BCAT1: variants seen among roughly 807,000 people sequenced by gnomAD.
BCAT1 encodes branched-chain-amino-acid aminotransferase, cytosolic.
BCAT1 carries 48 observed loss-of-function variants against 52.4 expected under a neutral mutation model. The observed-to-expected ratio is 0.92, with a 90% CI of 0.73 to 1.16. The LOEUF (loss-of-function observed/expected upper bound fraction) is 1.16, where lower values mean the gene tolerates loss of function less well. BCAT1 is among the 50% of genes most tolerant of loss of function. BCAT1 has a pLI of 0.00. For missense variants in BCAT1, 451 were observed against 457.1 expected, an observed-to-expected ratio of 0.99 and a Z score of 0.12; for synonymous variants, 167 against 161.3, an observed-to-expected ratio of 1.04 and a Z score of -0.27.
At chr12:24,832,042 A>C (rs557169711) in intron 9 of BCAT1, among the ~76,000 whole-genome samples, 2 of 152,350 alleles carry the variant, frequency 1.3e-5, no homozygotes, top group African/African-American at 4.8e-5. Context: ...TAACAGCATT[A>C]ATAGTAAAAA....
rs760367078 is a variant in BCAT1 at position 24,925,800 on chromosome 12, C to T, written c.6+23127G>A. Among the ~76,000 whole-genome samples the T allele has an allele frequency of 7.9e-5, 12 of 151,980 alleles. No individual in the cohort carries two copies. In the South Asian group the frequency reaches 1.7e-3, roughly 21 times the overall value. On this transcript the variant is annotated intron_variant, in intron 1 of 10. Transcript: ENST00000261192. ...GGAGACGGGGTTTCGCTGTGTTGGC[C>T]GGGCTGGTCTCCAGCTCCTAACCGG...
chr12:24,837,101 A>AAGGAAGGC, intron 7 of BCAT1, among the ~76,000 whole-genome samples: 1 of 125,604 alleles, frequency 8.0e-6, no homozygotes, highest in Non-Finnish European at 1.7e-5. Flanking sequence ...GGGAGAAAGG[A>AAGGAAGGC]AGGAAGAAAG....
rs1240087103 is a variant in BCAT1, at chr12:24,849,995, C to T, written c.511-46G>A. ...ATACAACTGTAACTTAAAATGTGGA[C>T]ACCAGTCTTAAAGTCTAGAATAGAT... On this transcript the variant is annotated intron_variant, in intron 5 of 10. Coordinates refer to ENST00000261192, the MANE Select transcript of BCAT1 (RefSeq NM_005504.7). 3 of 1,509,352 alleles carry T rather than the reference C, an allele frequency of 2.0e-6. No homozygotes were observed. In the African/African-American group the frequency reaches 4.2e-5, roughly 21 times the overall value. 93.5% of individuals were successfully genotyped at this position (1,509,352 alleles called of 1,614,324 possible). A position where few individuals can be genotyped will look rare whatever the true frequency, so the allele number is the denominator to read the frequency against.
At chr12:24,908,146 T>G (rs190238425) in intron 1 of BCAT1, among the ~76,000 whole-genome samples, 3 of 152,296 alleles carry the variant, frequency 2.0e-5, no homozygotes, top group African/African-American at 7.2e-5. Context: ...TGAGCTTCTT[T>G]TCTTCATAGA....
At chr12:24,913,155 A>G (rs1943356730) in intron 1 of BCAT1, among the ~76,000 whole-genome samples, 1 of 152,218 alleles carries the variant, frequency 6.6e-6, no homozygotes, top group Non-Finnish European at 1.5e-5. Flanking sequence ...GACACCAAGT[A>G]AAAAATACCA....
Position 24,878,649 on chromosome 12 carries a change from C to A in BCAT1, c.391G>T (p.Val131Leu), listed in dbSNP as rs1200992477. ...TCTAAGAGCTCTTCTTTGTCAAATACCTGAAAGAATGAAAAACATAATAAA... is the reference window on the plus strand; with the variant it reads ...TCTAAGAGCTCTTCTTTGTCAAATAACTGAAAGAATGAAAAACATAATAAA... Reference protein sequence around the residue: ...YRSAVRATLPVFDKEELLECI... With the variant: ...YRSAVRATLPLFDKEELLECI... Residue 131 changes from valine to leucine, a missense_variant and splice_region_variant, in exon 5 of 11, where the codon GTA becomes TTA. Coordinates refer to ENST00000261192, the MANE Select transcript of BCAT1 (RefSeq NM_005504.7). The A allele has an allele frequency of 6.3e-7, 1 of 1,598,538 alleles. No homozygotes were observed. Among genetic ancestry groups the A allele is most frequent in the South Asian group, 1.1e-5 (1 of 88,120 alleles).
chr12:24,855,144 G>C (rs1207255059), intron 5 of BCAT1, among the ~76,000 whole-genome samples: 2 of 151,986 alleles, frequency 1.3e-5, no homozygotes, highest in African/African-American at 4.8e-5. Context: ...AAGATGTTTG[G>C]TTTCCTATAG....
rs774823410 is a variant in BCAT1 at position 24,815,293 on chromosome 12, T to C, written c.*2715A>G. ...TTTTAAGTGCCACCAGTTCTGTTTA[T>C]ATTAATGCACTTGTGAATTGCTGAA... On this transcript the variant is annotated 3_prime_UTR_variant, in exon 11 of 11. Transcript: ENST00000261192. The C allele has an allele frequency of 1.3e-5, 2 of 152,546 alleles. No individual in the cohort carries two copies. The highest frequency in any genetic ancestry group is 2.9e-5 in the Non-Finnish European group (2 of 68,020). 9.4% of individuals were successfully genotyped at this position (152,546 alleles called of 1,614,324 possible). A position where few individuals can be genotyped will look rare whatever the true frequency, so the allele number is the denominator to read the frequency against.
chr12:24,882,597 A>AT (rs67802372), intron 3 of BCAT1, among the ~76,000 whole-genome samples: 25,312 of 146,448 alleles, frequency 0.17, 2,219 homozygotes, highest in East Asian at 0.23. Context: ...TTTATTATTT[A>AT]TTTTTTTTTT....
chr12:24,876,126 G>A (rs2139579945), intron 5 of BCAT1, among the ~76,000 whole-genome samples: 1 of 152,002 alleles, frequency 6.6e-6, no homozygotes, highest in Middle Eastern at 3.4e-3. Context: ...AATGGTATGT[G>A]TACTCAAAGT....
intron 4 of BCAT1, among the ~76,000 whole-genome samples, chr12:24,880,880 G>T (rs555567701): frequency 1.3e-3 from 191 of 149,722 alleles, no homozygotes; most frequent in African/African-American, 4.5e-3. Flanking sequence ...TTGCGGCTTA[G>T]GCTGGAGGGC....
At chr12:24,893,531 A>C (rs1047715987) in intron 3 of BCAT1, among the ~76,000 whole-genome samples, 1 of 152,236 alleles carries the variant, frequency 6.6e-6, no homozygotes, top group Non-Finnish European at 1.5e-5. Flanking sequence ...TCATATATGG[A>C]ACATAATACA....
intron 6 of BCAT1, among the ~76,000 whole-genome samples, chr12:24,843,580 G>A (rs1441077066): frequency 6.6e-6 from 1 of 152,116 alleles, no homozygotes; most frequent in Non-Finnish European, 1.5e-5. Context: ...TCCAGCCTGG[G>A]TGACACAGTG....
intron 5 of BCAT1, among the ~76,000 whole-genome samples, chr12:24,853,332 A>T (rs1029893569): frequency 1.3e-5 from 2 of 152,214 alleles, no homozygotes; most frequent in African/African-American, 4.8e-5. Flanking sequence ...TCTATCCTAA[A>T]TGAATTAACA....
At position 24,948,952 on chromosome 12, in the gene BCAT1, G is replaced by A. The variant is rs1044164705; in HGVS notation, c.-20C>T. 3 of 1,592,250 alleles carry A rather than the reference G, an allele frequency of 1.9e-6. No individual in the cohort carries two copies. Among genetic ancestry groups the A allele is most frequent in the Non-Finnish European group, 1.7e-6 (2 of 1,169,196 alleles). ...CTTCATTGTTCCGTCGGCCACGAGG[G>A]AAGCTCGAGCTGAGCGGAGGGCAGA... On this transcript the variant is annotated 5_prime_UTR_variant, in exon 1 of 11. Transcript: ENST00000261192.
At chr12:24,922,578 G>C (rs1943513241) in intron 1 of BCAT1, among the ~76,000 whole-genome samples, 2 of 152,108 alleles carry the variant, frequency 1.3e-5, no homozygotes, top group Non-Finnish European at 2.9e-5. Flanking sequence ...ATTTATTACA[G>C]GATAAAAATT....
At chr12:24,904,659 A>G (rs61912178) in intron 1 of BCAT1, 5,111 of 152,242 alleles carry the variant, frequency 0.034, 165 homozygotes, top group Non-Finnish European at 0.045. Flanking sequence ...ATGACTCCCA[A>G]ATATATTTTT....
At chr12:24,899,255 A>G (rs938907496) in intron 2 of BCAT1, among the ~76,000 whole-genome samples, 1 of 152,192 alleles carries the variant, frequency 6.6e-6, no homozygotes, top group African/African-American at 2.4e-5. Flanking sequence ...AAATACGAAA[A>G]CTACCCAAGA....
At chr12:24,849,997 C>A (rs758969206) in intron 5 of BCAT1, 48 bp from the exon 6 acceptor site, 20 of 1,502,570 alleles carry the variant, frequency 1.3e-5, no homozygotes, top group Non-Finnish European at 1.7e-5. Context: ...AATGTGGACA[C>A]CAGTCTTAAA....
Sources: gnomAD v4.1 joint callset for allele counts (sites outside exome capture counted in the v4.1 genomes callset) on GRCh38, gnomAD v4.1.1 for gene constraint, MANE v1.5 for transcripts, NCBI Gene and HGNC (gene_info 2026-07-23, HGNC 2026-07-21) for gene names.